Variants in RFC1 observed in about 807,000 individuals in gnomAD.
RFC1 encodes A1 140 kDa subunit.
In RFC1, 37 loss-of-function variants were observed where a neutral mutation model predicts 137.4. The observed-to-expected ratio is 0.27, with a 90% CI of 0.21 to 0.35. RFC1 has a LOEUF of 0.35. Among genes scored for constraint, RFC1 ranks in the 10% least tolerant of loss-of-function variants. RFC1 has a pLI of 1.00. For missense variants in RFC1, 1,205 were observed against 1,358.5 expected (o/e 0.89, Z 1.78); for synonymous variants, 429 against 455.7 (o/e 0.94, Z 0.75).
chr4:39,345,354 T>C (rs1740801158), intron 3 of RFC1, 47 bp downstream of exon 3: 1 of 1,493,138 alleles, frequency 6.7e-7, no homozygotes, highest in East Asian at 2.3e-5. Flanking sequence ...TTCTAAGGGA[T>C]ATACAATAAC....
chr4:39,317,654 G>A (rs1187914148), intron 9 of RFC1, among the ~76,000 whole-genome samples: 1 of 152,172 alleles, frequency 6.6e-6, no homozygotes, highest in African/African-American at 2.4e-5. Context: ...TTCAAACTAT[G>A]CATCCCTAGA....
intron 1 of RFC1, among the ~76,000 whole-genome samples, chr4:39,362,492 C>G (rs1197071936): frequency 2.0e-5 from 3 of 152,206 alleles, no homozygotes; most frequent in African/African-American, 7.2e-5. Context: ...CTCGCATTTA[C>G]AGTCAACTGA....
At chr4:39,341,944 T>C (rs1350947108) in intron 4 of RFC1, among the ~76,000 whole-genome samples, 4 of 152,202 alleles carry the variant, frequency 2.6e-5, no homozygotes, top group Non-Finnish European at 5.9e-5. Flanking sequence ...CACCAGAGAA[T>C]ACAAGGAATT....
rs2109729346 is a variant in RFC1 at position 39,341,553 on chromosome 4, A to G, written c.331+792T>C. 6.6e-6 allele frequency: 3 copies of G among 455,040 alleles called. No individual in the cohort carries two copies. In the Middle Eastern group the frequency reaches 9.8e-4, roughly 148 times the overall value. 28.2% of individuals were successfully genotyped at this position (455,040 alleles called of 1,614,324 possible). On this transcript the variant is annotated intron_variant, in intron 4 of 24. Coordinates refer to ENST00000349703, the MANE Select transcript of RFC1 (RefSeq NM_002913.5). ...TTCACGTAACCTACAAAGTTCACCT[A>G]TGGACTTTGTTTTTCTTTTTATTTT...
chr4:39,362,339 G>A (rs1741801371), intron 1 of RFC1, among the ~76,000 whole-genome samples: 1 of 152,182 alleles, frequency 6.6e-6, no homozygotes, highest in Non-Finnish European at 1.5e-5. Flanking sequence ...GAATAGCCAA[G>A]ACAATCTTGA....
At chr4:39,348,182 T>C (rs1344325408) in intron 2 of RFC1, among the ~76,000 whole-genome samples, 3 of 151,734 alleles carry the variant, frequency 2.0e-5, no homozygotes, top group Non-Finnish European at 4.4e-5. Context: ...AATCCCAGCA[T>C]TGTGGGAGAC....
intron 11 of RFC1, 68 bp downstream of exon 11, chr4:39,312,684 A>C: frequency 7.3e-7 from 1 of 1,366,486 alleles, no homozygotes; most frequent in Non-Finnish European, 1.0e-6. Flanking sequence ...AGTAAAGGGC[A>C]AATCACATCA....
intron 4 of RFC1, among the ~76,000 whole-genome samples, chr4:39,337,605 C>T (rs1379304859): frequency 6.6e-6 from 1 of 151,940 alleles, no homozygotes; most frequent in African/African-American, 2.4e-5. Context: ...CAAAAAAATA[C>T]AATACTCACT....
rs1742025189 is a variant in RFC1, at chr4:39,366,274, G to C, written c.-33C>G. On this transcript the variant is annotated 5_prime_UTR_variant, in exon 1 of 25. Coordinates refer to ENST00000349703, the MANE Select transcript of RFC1 (RefSeq NM_002913.5). ...CCAGGATGAAGGCGCTGGCTGGCTGGCGGGTGGGCCGGTTGAGGAATCTGT... is the reference window on the plus strand; with the variant it reads ...CCAGGATGAAGGCGCTGGCTGGCTGCCGGGTGGGCCGGTTGAGGAATCTGT... 1 of 1,528,380 alleles carries C rather than the reference G, an allele frequency of 6.5e-7. No homozygotes were observed. The highest frequency in any genetic ancestry group is 2.5e-5 in the East Asian group (1 of 39,834). The allele number at this position is 1,528,380 out of a possible 1,614,324, so 94.7% of individuals were successfully genotyped here.
At chr4:39,306,159 C>T (rs571673669) in intron 14 of RFC1, among the ~76,000 whole-genome samples, 7 of 152,256 alleles carry the variant, frequency 4.6e-5, no homozygotes, top group East Asian at 3.9e-4. Flanking sequence ...AACCCTGAGT[C>T]GCGCTACCGG....
Position 39,323,346 on chromosome 4 carries a change from G to A in RFC1, c.714C>T (p.Thr238=), listed in dbSNP as rs764859620. Residue 238 remains threonine, a synonymous_variant, in exon 7 of 25, where the codon ACC becomes ACT. Transcript: ENST00000349703. ...TAGCCCAACATTATGCCACCTTTTT[G>A]GTCTTGGGTTCTTCATCCAACATGG... is the stretch of plus-strand genomic sequence containing the variant. ...TLAMLDEEPK[T]KKARKDTEAG... 27 of 1,613,646 alleles carry A rather than the reference G, an allele frequency of 1.7e-5. No individual in the cohort carries two copies. In the South Asian group the frequency reaches 3.0e-4, roughly 18 times the overall value.
intron 14 of RFC1, 23 bp downstream of exon 14, chr4:39,306,569 C>T (rs1458285481): frequency 1.5e-6 from 2 of 1,374,952 alleles, no homozygotes; most frequent in Non-Finnish European, 2.1e-6. Flanking sequence ...ATCTGTCCGA[C>T]CACACTGTGA....
chr4:39,317,046 T>C (rs1560602319), intron 9 of RFC1, 24 bp from the exon 10 acceptor site: 2 of 1,466,960 alleles, frequency 1.4e-6, no homozygotes, highest in African/African-American at 2.8e-5. Context: ...GAAAGGAAAA[T>C]GAACAAAGTC....
At position 39,302,855 on chromosome 4, in the gene RFC1, T is replaced by G; in HGVS notation, c.2222A>C (p.Lys741Thr). The G allele has an allele frequency of 1.3e-6, 2 of 1,585,228 alleles. No homozygotes were observed. The highest frequency in any genetic ancestry group is 1.7e-6 in the Non-Finnish European group (2 of 1,169,008). The change falls in exon 17 of 25, where the codon AAA (lysine) becomes ACA (threonine). Residue 741 changes from lysine to threonine, a missense_variant. Physicochemically the swap from Lys to Thr is moderately conservative, Grantham distance 78 (BLOSUM62 -1). This residue lies in a region of RFC1 where 962 missense variants were observed against 1,035.3 expected (regional missense o/e 0.93). Transcript: ENST00000349703. Reference sequence around the variant, plus strand: ...ACAAATAATGGGAATTTTAGTATGTTTTATCAGGCCAATTAATTCCTGAAA... The same window carrying G: ...ACAAATAATGGGAATTTTAGTATGTGTTATCAGGCCAATTAATTCCTGAAA... ...GGIQELIGLI[K>T]HTKIPIICMC...
intron 14 of RFC1, among the ~76,000 whole-genome samples, chr4:39,305,499 T>G (rs1738592018): frequency 6.6e-6 from 1 of 152,098 alleles, no homozygotes; most frequent in Non-Finnish European, 1.5e-5. Flanking sequence ...TCTCAGCTAC[T>G]CTGGAGGGTG....
chr4:39,295,649 A>G lies in RFC1; in HGVS notation c.2919T>C (p.Arg973=), dbSNP rs1397823336. 2.5e-6 allele frequency: 4 copies of G among 1,613,398 alleles called. No individual in the cohort carries two copies. In the African/African-American group the frequency reaches 4.0e-5, roughly 16 times the overall value. Residue 973 remains arginine (R), a synonymous_variant, in exon 22 of 25, where the codon CGT becomes CGC. Transcript: ENST00000349703. ...GKHSSTGKHD[R]IVQDLALHMS... Reference sequence around the variant, plus strand: ...TATGCAAGGCCAGGTCCTGAACAATACGATCATGTTTGCCTGTAGACGAGT... The same window carrying G: ...TATGCAAGGCCAGGTCCTGAACAATGCGATCATGTTTGCCTGTAGACGAGT...
At chr4:39,311,658 C>A in intron 11 of RFC1, 109 bp from the exon 12 acceptor site, 6 of 613,662 alleles carry the variant, frequency 9.8e-6, no homozygotes, top group Non-Finnish European at 1.6e-5. Flanking sequence ...AAACCACATT[C>A]GTAAATTAAG....
chr4:39,351,455 C>T lies in RFC1; in HGVS notation c.25G>A (p.Val9Ile). MDIRKFFGVIPSGKKLVSE... is the reference protein window; with the variant it reads MDIRKFFGIIPSGKKLVSE... ...ACAAGTTTCTTTCCACTTGGTATTA[C>T]TCCAAAGAATTTCCGAATGTCCTAA... Residue 9 changes from valine to isoleucine, a missense_variant, in exon 2 of 25, where the codon GTA becomes ATA. Physicochemically the swap from Val to Ile is conservative, Grantham distance 29. Coordinates refer to ENST00000349703, the MANE Select transcript of RFC1 (RefSeq NM_002913.5). 4 of 1,563,062 alleles carry T rather than the reference C, an allele frequency of 2.6e-6. No homozygotes were observed. The highest frequency in any genetic ancestry group is 1.2e-5 in the South Asian group (1 of 82,694).
chr4:39,345,461 T>C lies in RFC1; in HGVS notation c.148A>G (p.Lys50Glu). ...IKEIKVNSSR[K>E]EDDFKQKQPS... Reference sequence around the variant, plus strand: ...TGCTTTTGTTTGAAGTCATCCTCTTTACGGGAGCTATTTACCTATAAACAT... The same window carrying C: ...TGCTTTTGTTTGAAGTCATCCTCTTCACGGGAGCTATTTACCTATAAACAT... The change falls in exon 3 of 25, where the codon AAA (lysine) becomes GAA (glutamate). Residue 50 changes from lysine (K) to glutamate (E), a missense_variant. Physicochemically the swap from Lys to Glu is moderately conservative, Grantham distance 56 (BLOSUM62 1). This residue lies in a region of RFC1 where 962 missense variants were observed against 1,035.3 expected (regional missense o/e 0.93). Transcript: ENST00000349703. The C allele has an allele frequency of 6.2e-7, 1 of 1,613,144 alleles. No homozygotes were observed. The highest frequency in any genetic ancestry group is 8.5e-7 in the Non-Finnish European group (1 of 1,179,344).
Sources: allele counts gnomAD v4.1 joint callset (sites outside exome capture counted in the v4.1 genomes callset), GRCh38; gene constraint gnomAD v4.1.1; regional missense constraint gnomAD v4.1.1; transcripts MANE v1.5; gene names NCBI Gene and HGNC (gene_info 2026-07-23, HGNC 2026-07-21).